The following NCAM2 variants were observed in gnomAD, a reference collection of about 807,000 sequenced individuals.
NCAM2 encodes N-CAM-2.
NCAM2 carries 30 observed loss-of-function variants against 98.1 expected under a neutral mutation model. The ratio of observed to expected loss-of-function variants is 0.31; its 90% confidence interval spans 0.23 to 0.41. NCAM2 has a LOEUF of 0.41. NCAM2 is among the 10% of genes least tolerant of loss of function. NCAM2 has a pLI of 1.00. For synonymous variants in NCAM2, 368 were observed against 342.4 expected (o/e 1.07, Z -0.83); for missense variants, 867 against 1,005.8 (o/e 0.86, Z 1.87).
At chr21:21,215,412 T>A (rs1201907080) in intron 1 of NCAM2, among the ~76,000 whole-genome samples, 1 of 152,148 alleles carries the variant, frequency 6.6e-6, no homozygotes, top group African/African-American at 2.4e-5. Context: ...GTTGCTCTAA[T>A]AAATAGAGTT....
At chr21:21,393,363 T>C (rs1443883076) in intron 9 of NCAM2, among the ~76,000 whole-genome samples, 1 of 152,184 alleles carries the variant, frequency 6.6e-6, no homozygotes, top group East Asian at 1.9e-4. Context: ...GTAGCTTTTC[T>C]GTGATTTTTT....
rs554257244 is a variant in NCAM2, at chr21:21,004,237, A to G, written c.55+5619A>G. ...CCATTTTGTCAGATAATCAAATAAC[A>G]AGCACTTTTTGAGGCCTTAAAATGA... On this transcript the variant is annotated intron_variant, in intron 1 of 17. Transcript: ENST00000400546. Among the ~76,000 whole-genome samples, 10 of 152,304 alleles carry G rather than the reference A, an allele frequency of 6.6e-5. 1 individual carries two copies. The South Asian group carries it at 2.1e-3, about 32-fold the overall frequency.
chr21:21,246,431 G>T (rs1346216179), intron 1 of NCAM2, among the ~76,000 whole-genome samples: 1 of 152,010 alleles, frequency 6.6e-6, no homozygotes, highest in Non-Finnish European at 1.5e-5. Context: ...ATTGATAGAT[G>T]ATAAATCAGA....
intron 8 of NCAM2, among the ~76,000 whole-genome samples, chr21:21,341,323 A>G (rs1005259991): frequency 9.9e-5 from 15 of 152,158 alleles, no homozygotes; most frequent in African/African-American, 3.6e-4. Flanking sequence ...GATTTAGTAT[A>G]TGCAGCCCAG....
At chr21:21,159,177 AT>A (rs1194483578) in intron 1 of NCAM2, among the ~76,000 whole-genome samples, 2 of 152,222 alleles carry the variant, frequency 1.3e-5, no homozygotes, top group Non-Finnish European at 2.9e-5. Context: ...TAAATAAAAA[AT>A]ATCTTCATAT....
intron 6 of NCAM2, among the ~76,000 whole-genome samples, chr21:21,331,509 C>CTATATATATATATATATA (rs748594575): frequency 0.07 from 351 of 5,016 alleles, 106 homozygotes; most frequent in Non-Finnish European, 0.11. Flanking sequence ...ACTCTATACT[C>CTATATATATATATATATA]TCTCTCTCTA....
intron 1 of NCAM2, among the ~76,000 whole-genome samples, chr21:21,027,959 C>T (rs1286009626): frequency 1.3e-5 from 2 of 151,604 alleles, no homozygotes; most frequent in African/African-American, 2.4e-5. Context: ...TGGGTTCAAG[C>T]GATTCTCCTG....
At chr21:21,320,767 T>C (rs1183993073) in intron 5 of NCAM2, among the ~76,000 whole-genome samples, 1 of 152,148 alleles carries the variant, frequency 6.6e-6, no homozygotes, top group Non-Finnish European at 1.5e-5. Context: ...AATTAAGTAT[T>C]TGAAAAATTG....
intron 1 of NCAM2, among the ~76,000 whole-genome samples, chr21:21,014,840 G>T (rs934426134): frequency 2.0e-5 from 3 of 152,176 alleles, no homozygotes; most frequent in Admixed American, 6.5e-5. Context: ...CATTCTAGAT[G>T]CCATTAAGAA....
chr21:21,311,784 A>T (rs60749186), intron 5 of NCAM2, among the ~76,000 whole-genome samples: 1,959 of 13,544 alleles, frequency 0.14, 45 homozygotes, highest in African/African-American at 0.29. Flanking sequence ...ACATTTTTTT[A>T]AAAAAAATTT....
chr21:21,044,972 ATG>A (rs1395889971), intron 1 of NCAM2, among the ~76,000 whole-genome samples: 3 of 152,136 alleles, frequency 2.0e-5, no homozygotes, highest in Admixed American at 1.3e-4. Flanking sequence ...ACAAATATAT[ATG>A]TGTGTGAATG....
At chr21:21,426,725 G>A (rs534350518) in intron 11 of NCAM2, among the ~76,000 whole-genome samples, 34 of 152,136 alleles carry the variant, frequency 2.2e-4, no homozygotes, top group Admixed American at 2.1e-3. Context: ...TTGTCCATGC[G>A]CACCTCCTGA....
intron 1 of NCAM2, among the ~76,000 whole-genome samples, chr21:21,042,705 T>C (rs2064930764): frequency 6.6e-6 from 1 of 152,160 alleles, no homozygotes; most frequent in Non-Finnish European, 1.5e-5. Flanking sequence ...TGTTATACAG[T>C]GTTTATGTTA....
chr21:21,037,376 GT>G lies in NCAM2; in HGVS notation c.55+38760del, dbSNP rs543127894. On this transcript the variant is annotated intron_variant, in intron 1 of 17. Transcript: ENST00000400546. Reference sequence around the variant, plus strand: ...TACCCATAGTTTTCCATGTTTTCCTGTTATGTTATATGTTGTTATTCTACTT... The same window carrying G: ...TACCCATAGTTTTCCATGTTTTCCTGTATGTTATATGTTGTTATTCTACTT... 5.3e-5 allele frequency among the ~76,000 whole-genome samples: 8 copies of G among 152,188 alleles called. No individual in the cohort carries two copies. The South Asian group carries it at 1.2e-3, about 24-fold the overall frequency.
At chr21:21,434,951 A>C (rs1238420511) in intron 12 of NCAM2, among the ~76,000 whole-genome samples, 1 of 152,120 alleles carries the variant, frequency 6.6e-6, no homozygotes, top group African/African-American at 2.4e-5. Context: ...TGGGACAGGC[A>C]TCTAAGTACC....
chr21:21,503,436 G>T (rs1987764347), intron 15 of NCAM2, among the ~76,000 whole-genome samples: 1 of 151,826 alleles, frequency 6.6e-6, no homozygotes, highest in South Asian at 2.1e-4. Flanking sequence ...AGATAACATA[G>T]ACATGCTGGA....
chr21:21,481,830 G>A (rs1453636810), intron 15 of NCAM2, among the ~76,000 whole-genome samples: 2 of 152,148 alleles, frequency 1.3e-5, no homozygotes, highest in African/African-American at 4.8e-5. Context: ...TCAGCCAGGC[G>A]CAGTGGCTCA....
chr21:21,027,858 GT>G (rs527303137), intron 1 of NCAM2, among the ~76,000 whole-genome samples: 107 of 142,480 alleles, frequency 7.5e-4, no homozygotes, highest in Middle Eastern at 3.6e-3. Flanking sequence ...TGTTTCTTAA[GT>G]TTTTTTTTTT....
chr21:21,447,909 G>T (rs1980431332), intron 12 of NCAM2, among the ~76,000 whole-genome samples: 1 of 152,140 alleles, frequency 6.6e-6, no homozygotes, highest in East Asian at 1.9e-4. Flanking sequence ...TGCCAGAGAG[G>T]TTGTGGAGTA....
Sources: gnomAD v4.1 joint callset for allele counts (sites outside exome capture counted in the v4.1 genomes callset) on GRCh38, gnomAD v4.1.1 for gene constraint, MANE v1.5 for transcripts, NCBI Gene and HGNC (gene_info 2026-07-23, HGNC 2026-07-21) for gene names.